Variants in RORA observed in about 807,000 individuals in gnomAD.
The protein encoded by RORA is RAR related orphan receptor A, also known as nuclear receptor ROR-alpha.
A neutral mutation model predicts 69.5 loss-of-function variants in RORA; 7 were observed. The ratio of observed to expected loss-of-function variants is 0.10; its 90% CI spans 0.06 to 0.19. RORA has a LOEUF of 0.19. Among genes scored for constraint, RORA ranks in the 10% least tolerant of loss-of-function variants. The pLI, the probability that RORA is intolerant of heterozygous loss-of-function variation, is 1.00. For synonymous variants in RORA, 261 were observed against 240.8 expected (o/e 1.08, Z -0.78); for missense variants, 457 against 663.0 (o/e 0.69, Z 3.41).
chr15:60,661,723 A>T (rs1220665109), intron 2 of RORA, among the ~76,000 whole-genome samples: 1 of 152,198 alleles, frequency 6.6e-6, no homozygotes, highest in Non-Finnish European at 1.5e-5. Context: ...AATTCCATTT[A>T]GATAAACCCT....
chr15:60,632,402 C>T (rs1032440829), intron 2 of RORA, among the ~76,000 whole-genome samples: 2 of 152,136 alleles, frequency 1.3e-5, no homozygotes, highest in African/African-American at 2.4e-5. Context: ...CCACTGCGCC[C>T]GGCCTCACTA....
chr15:61,181,791 G>T (rs928503693), intron 1 of RORA, among the ~76,000 whole-genome samples: 1 of 151,542 alleles, frequency 6.6e-6, no homozygotes, highest in East Asian at 1.9e-4. Flanking sequence ...ATATGGGAGA[G>T]ATGTCTGCAT....
intron 1 of RORA, among the ~76,000 whole-genome samples, chr15:61,005,470 ACT>A (rs1425267790): frequency 1.3e-5 from 2 of 152,216 alleles, no homozygotes; most frequent in East Asian, 1.9e-4. Flanking sequence ...ACAGAGCGAG[ACT>A]CTGTCTCAAA....
At chr15:60,880,917 C>G (rs2073672830) in intron 1 of RORA, among the ~76,000 whole-genome samples, 1 of 152,176 alleles carries the variant, frequency 6.6e-6, no homozygotes, top group East Asian at 1.9e-4. Context: ...GAGGCAGGTA[C>G]TAATCTACAA....
At position 60,639,835 on chromosome 15, in the gene RORA, A is replaced by G. The variant is rs572879653; in HGVS notation, c.196+38822T>C. Among the ~76,000 whole-genome samples, 166 of 152,320 alleles carry G rather than the reference A, an allele frequency of 1.1e-3. 1 individual carries two copies. Among genetic ancestry groups the G allele is most frequent in the African/African-American group, 3.9e-3 (163 of 41,564 alleles). Reference sequence around the variant, plus strand: ...AGGCGTCCTTGTTTTGGTTAAATATAATGACATGGGAAGATGTGCAGTTGA... The same window carrying G: ...AGGCGTCCTTGTTTTGGTTAAATATGATGACATGGGAAGATGTGCAGTTGA... On this transcript the variant is annotated intron_variant, in intron 2 of 10. Transcript: ENST00000335670.
Position 60,582,984 on chromosome 15 carries a change from T to G in RORA, c.197-51133A>C, listed in dbSNP as rs547060079. 1.5e-3 allele frequency among the ~76,000 whole-genome samples: 235 copies of G among 152,290 alleles called. 2 individuals carry two copies. Among genetic ancestry groups the G allele is most frequent in the Middle Eastern group, 6.8e-3 (2 of 294 alleles). ...TATGTTTACTTAAGTATTACCTACC[T>G]CTCCCACCAGAATGTACACTCACAG... On this transcript the variant is annotated intron_variant, in intron 2 of 10. Transcript: ENST00000335670.
intron 1 of RORA, among the ~76,000 whole-genome samples, chr15:60,822,250 C>G (rs1056729969): frequency 4.6e-5 from 7 of 152,268 alleles, no homozygotes; most frequent in African/African-American, 1.7e-4. Flanking sequence ...CCTCATTTTG[C>G]AAAGGAAGAA....
intron 1 of RORA, among the ~76,000 whole-genome samples, chr15:60,761,991 A>G (rs1291058409): frequency 2.0e-5 from 3 of 152,162 alleles, no homozygotes; most frequent in Admixed American, 1.3e-4. Context: ...TTGAAAACAG[A>G]CTAATCCAAA....
At chr15:61,101,253 G>C (rs980858501) in intron 1 of RORA, among the ~76,000 whole-genome samples, 1 of 152,144 alleles carries the variant, frequency 6.6e-6, no homozygotes, top group Non-Finnish European at 1.5e-5. Flanking sequence ...ACGGTTAATA[G>C]AGAAGACAGA....
intron 1 of RORA, among the ~76,000 whole-genome samples, chr15:60,806,400 A>T (rs2072660340): frequency 6.6e-6 from 1 of 152,160 alleles, no homozygotes; most frequent in South Asian, 2.1e-4. Context: ...ATCAGGCCAG[A>T]CCAGAATGGA....
intron 2 of RORA, among the ~76,000 whole-genome samples, chr15:60,565,982 A>C (rs2067701691): frequency 6.6e-6 from 1 of 152,250 alleles, no homozygotes; most frequent in East Asian, 1.9e-4. Flanking sequence ...CATTTCGGTA[A>C]TATAATGCAA....
chr15:61,103,639 G>T (rs2078911466), intron 1 of RORA, among the ~76,000 whole-genome samples: 2 of 152,168 alleles, frequency 1.3e-5, no homozygotes, highest in Admixed American at 6.5e-5. Context: ...CTCAAAGTCA[G>T]AGTGTGCACA....
chr15:61,044,331 C>T (rs1896924486), intron 1 of RORA, among the ~76,000 whole-genome samples: 1 of 152,102 alleles, frequency 6.6e-6, no homozygotes, highest in African/African-American at 2.4e-5. Context: ...TCAGAGACAC[C>T]TTGATGTCAC....
chr15:60,525,767 T>A (rs1029179851), intron 3 of RORA, among the ~76,000 whole-genome samples: 2 of 152,118 alleles, frequency 1.3e-5, no homozygotes, highest in Non-Finnish European at 2.9e-5. Flanking sequence ...CTAAGAAAAG[T>A]AGAGATGAGA....
At chr15:60,914,010 C>T (rs764200418) in intron 1 of RORA, among the ~76,000 whole-genome samples, 2 of 152,112 alleles carry the variant, frequency 1.3e-5, no homozygotes, top group Non-Finnish European at 2.9e-5. Flanking sequence ...TGAAAGGGAC[C>T]GTGCCTCTTC....
At chr15:60,548,798 T>C (rs1403065079) in intron 2 of RORA, among the ~76,000 whole-genome samples, 1 of 152,090 alleles carries the variant, frequency 6.6e-6, no homozygotes, top group Non-Finnish European at 1.5e-5. Flanking sequence ...CCACCATGCC[T>C]GGCTAATTTT....
At chr15:60,880,863 A>G (rs1413507090) in intron 1 of RORA, among the ~76,000 whole-genome samples, 2 of 152,200 alleles carry the variant, frequency 1.3e-5, no homozygotes, top group Non-Finnish European at 2.9e-5. Context: ...AAATCCGCCG[A>G]TGCATTTAAC....
At chr15:60,873,224 CGTGTGTGTGTGTGTGTGTGTGTGTCTGT>C (rs1366194319) in intron 1 of RORA, among the ~76,000 whole-genome samples, 9 of 139,844 alleles carry the variant, frequency 6.4e-5, no homozygotes, top group African/African-American at 2.1e-4. Context: ...GGGTAAAGGT[CGTGTGTGTGTGTGTGTGTGTGTGTCTGT>C]GTGTGTGTGT....
At position 61,071,156 on chromosome 15, in the gene RORA, C is replaced by G. The variant is rs561114641; in HGVS notation, c.166+157897G>C. Reference sequence around the variant, plus strand: ...TACCAATATGAGGTTGTTTCTAAGTCAAAGCATTCAGAGAAACACAAACCT... The same window carrying G: ...TACCAATATGAGGTTGTTTCTAAGTGAAAGCATTCAGAGAAACACAAACCT... On this transcript the variant is annotated intron_variant, in intron 1 of 10. Transcript: ENST00000335670. 1.0e-4 allele frequency among the ~76,000 whole-genome samples: 13 copies of G among 129,880 alleles called. 1 individual carries two copies. In the Admixed American group the frequency reaches 1.0e-3, roughly 10 times the overall value. The allele number at this position is 129,880 out of a possible 152,430, so 85.2% of individuals were successfully genotyped here.
Sources: allele counts gnomAD v4.1 joint callset (sites outside exome capture counted in the v4.1 genomes callset), GRCh38; gene constraint gnomAD v4.1.1; transcripts MANE v1.5; gene names NCBI Gene and HGNC (gene_info 2026-07-23, HGNC 2026-07-21).